The following CCDC88C variants were observed in gnomAD, a reference collection of about 807,000 sequenced individuals.
The protein encoded by CCDC88C is coiled-coil and HOOK domain protein 88C.
Under a neutral mutation model 198.8 loss-of-function variants are expected in CCDC88C, and 131 were observed. The ratio of observed to expected loss-of-function variants is 0.66; its 90% CI spans 0.57 to 0.76. The LOEUF (loss-of-function observed/expected upper bound fraction) is 0.76. Among genes scored for constraint, CCDC88C ranks in the 30% least tolerant of loss-of-function variants. The pLI, the probability that CCDC88C is intolerant of heterozygous loss-of-function variation, is 0.00. For synonymous variants in CCDC88C, 1,166 were observed against 1,114.7 expected, an observed-to-expected ratio of 1.05 and a Z score of -0.92; for missense variants, 2,553 against 2,631.6, an observed-to-expected ratio of 0.97 and a Z score of 0.65.
chr14:91,310,469 G>C (rs1335313108), intron 15 of CCDC88C, among the ~76,000 whole-genome samples: 1 of 152,162 alleles, frequency 6.6e-6, no homozygotes, highest in South Asian at 2.1e-4. Flanking sequence ...CTGAAGTGCA[G>C]TGGTGTGATC....
chr14:91,324,317 C>A (rs1370005619), intron 12 of CCDC88C, among the ~76,000 whole-genome samples: 14 of 152,206 alleles, frequency 9.2e-5, no homozygotes, highest in African/African-American at 3.4e-4. Context: ...CCACTCAGCA[C>A]CCTCCCCACC....
intron 3 of CCDC88C, among the ~76,000 whole-genome samples, chr14:91,394,676 C>A (rs1248414066): frequency 6.6e-6 from 1 of 152,218 alleles, no homozygotes; most frequent in Non-Finnish European, 1.5e-5. Context: ...TCAGTGCCTG[C>A]TTTTAAGGAA....
intron 10 of CCDC88C, among the ~76,000 whole-genome samples, chr14:91,326,876 T>C (rs1482775421): frequency 6.6e-6 from 1 of 152,228 alleles, no homozygotes; most frequent in African/African-American, 2.4e-5. Flanking sequence ...AATGGGGGTC[T>C]TTAAGACAGT....
At position 91,313,400 on chromosome 14, in the gene CCDC88C, G is replaced by C; in HGVS notation, c.2416C>G (p.Leu806Val). 6.2e-7 allele frequency: 1 copy of C among 1,608,322 alleles called. No homozygotes were observed. Among genetic ancestry groups the C allele is most frequent in the South Asian group, 1.1e-5 (1 of 91,054 alleles). Residue 806 changes from leucine to valine, a missense_variant, in exon 15 of 30, where the codon CTC becomes GTC. Leu to Val is a conservative substitution (Grantham distance 32). This residue lies in a region of CCDC88C where 1,260 missense variants were observed against 1,412.0 expected (regional missense o/e 0.89). Transcript: ENST00000389857. This position sits in a 1 kb window ranked among gnomAD's most constrained non-coding sequence, Gnocchi z 5.2. Reference sequence around the variant, plus strand: ...TCCAACTGTGCATTGGCCAGCCGGAGGGCCTCCAGGTCCCGCCGCAGCGCC... The same window carrying C: ...TCCAACTGTGCATTGGCCAGCCGGACGGCCTCCAGGTCCCGCCGCAGCGCC... ...RQALRRDLEA[L>V]RLANAQLEGA... is the part of the protein sequence containing the mutation.
chr14:91,365,351 G>A lies in CCDC88C; in HGVS notation c.271-5640C>T, dbSNP rs555311251. On this transcript the variant is annotated intron_variant, in intron 3 of 29. Coordinates refer to ENST00000389857, the MANE Select transcript of CCDC88C (RefSeq NM_001080414.4). ...TAGGCTGGGAAGGACCCAAGGAAAG[G>A]GGTCTGAGCGCCTCCCTTCTCCACC... 1.8e-3 allele frequency among the ~76,000 whole-genome samples: 269 copies of A among 152,314 alleles called. 1 individual carries two copies. Among genetic ancestry groups the A allele is most frequent in the Non-Finnish European group, 2.9e-3 (198 of 68,012 alleles).
At chr14:91,304,580 C>T (rs918662328) in intron 19 of CCDC88C, among the ~76,000 whole-genome samples, 1 of 152,112 alleles carries the variant, frequency 6.6e-6, no homozygotes, top group Admixed American at 6.5e-5. Context: ...CAGAGTGAAA[C>T]CCTGTCTCTT....
rs539516402 is a variant in CCDC88C, at chr14:91,338,257, G to A, written c.892-94C>T. The A allele has an allele frequency of 3.6e-5, 53 of 1,471,304 alleles. No homozygotes were observed. Among genetic ancestry groups the A allele is most frequent in the East Asian group, 3.2e-4 (14 of 43,210 alleles). The allele number at this position is 1,471,304 out of a possible 1,614,324, so 91.1% of individuals were successfully genotyped here. A position where few individuals can be genotyped will look rare whatever the true frequency, so the allele number is the denominator to read the frequency against. On this transcript the variant is annotated intron_variant, in intron 9 of 29. Transcript: ENST00000389857. This position sits in a 1 kb window ranked among gnomAD's most constrained non-coding sequence, Gnocchi z 4.8. ...CCCTTCTGCATGGTGTCTCCACGAC[G>A]GCCCAGGACAAGCCAGCTCCTGGTG...
intron 29 of CCDC88C, 88 bp downstream of exon 29, chr14:91,277,834 A>AC: frequency 7.1e-7 from 1 of 1,400,094 alleles, no homozygotes; most frequent in Non-Finnish European, 9.5e-7. Flanking sequence ...CGCCACCCCC[A>AC]CCCCATCCTT....
intron 2 of CCDC88C, among the ~76,000 whole-genome samples, chr14:91,409,124 A>G (rs2140014352): frequency 6.6e-6 from 1 of 152,304 alleles, no homozygotes; most frequent in South Asian, 2.1e-4. Context: ...GATTAAAAGA[A>G]TTAAAAGCTG....
Position 91,377,925 on chromosome 14 carries a change from G to A in CCDC88C, c.271-18214C>T, listed in dbSNP as rs931355612. Among the ~76,000 whole-genome samples the A allele has an allele frequency of 4.6e-5, 7 of 152,322 alleles. No individual in the cohort carries two copies. In the South Asian group the frequency reaches 1.2e-3, roughly 27 times the overall value. On this transcript the variant is annotated intron_variant, in intron 3 of 29. Transcript: ENST00000389857. ...CTAGGAAGGCTTCCCAGGAGCACACGACGCTGCTCCATACATGCCATGCAG... is the reference window on the plus strand; with the variant it reads ...CTAGGAAGGCTTCCCAGGAGCACACAACGCTGCTCCATACATGCCATGCAG...
intron 3 of CCDC88C, among the ~76,000 whole-genome samples, chr14:91,390,075 AAAAAAG>A (rs934662071): frequency 3.3e-5 from 5 of 152,220 alleles, no homozygotes; most frequent in Non-Finnish European, 7.4e-5. Context: ...CTGTTTCAAA[AAAAAAG>A]AAAAAGAAAA....
intron 3 of CCDC88C, among the ~76,000 whole-genome samples, chr14:91,376,846 C>T (rs1040466347): frequency 5.3e-5 from 8 of 152,220 alleles, no homozygotes; most frequent in African/African-American, 1.9e-4. Context: ...CACTGCCGAG[C>T]CCCTGAGGTT....
Position 91,324,153 on chromosome 14 carries a change from C to A in CCDC88C, c.1342+626G>T, listed in dbSNP as rs1380411165. Among the ~76,000 whole-genome samples the A allele has an allele frequency of 2.0e-5, 3 of 152,328 alleles. No homozygotes were observed. In the East Asian group the frequency reaches 5.8e-4, roughly 29 times the overall value. On this transcript the variant is annotated intron_variant, in intron 12 of 29. Coordinates refer to ENST00000389857, the MANE Select transcript of CCDC88C (RefSeq NM_001080414.4). ...TGTTTGCCGGGGCTGAGGCTTCCTG[C>A]GCAGGGGGCTGAGTGCGGCCCCGCC...
chr14:91,346,229 T>C (rs1893542866), intron 4 of CCDC88C, among the ~76,000 whole-genome samples: 1 of 152,164 alleles, frequency 6.6e-6, no homozygotes, highest in South Asian at 2.1e-4. Context: ...ATGACATCAT[T>C]GTCAAGCCTC....
Position 91,272,579 on chromosome 14 carries a change from A to C in CCDC88C, c.*46T>G. 6.5e-7 allele frequency: 1 copy of C among 1,548,396 alleles called. No individual in the cohort carries two copies. Among genetic ancestry groups the C allele is most frequent in the East Asian group, 2.3e-5 (1 of 43,864 alleles). On this transcript the variant is annotated 3_prime_UTR_variant, in exon 30 of 30. Coordinates refer to ENST00000389857, the MANE Select transcript of CCDC88C (RefSeq NM_001080414.4). The stretch of plus-strand genomic sequence containing the variant: ...AAGAGAAAAGGCCGTGAGAGTCGGA[A>C]GGCGCGTCAGTAGTTTTCAGGTTTG...
intron 18 of CCDC88C, among the ~76,000 whole-genome samples, chr14:91,306,135 T>C (rs1014306884): frequency 6.6e-6 from 1 of 152,212 alleles, no homozygotes; most frequent in African/African-American, 2.4e-5. Flanking sequence ...GGACACTGCC[T>C]GACACCTGCA....
At chr14:91,417,127 A>C (rs1406381186) in intron 1 of CCDC88C, 3 of 703,088 alleles carry the variant, frequency 4.3e-6, no homozygotes, top group Non-Finnish European at 5.2e-6. Flanking sequence ...TAAATGTCTC[A>C]CGTCTCAAAT....
chr14:91,370,172 G>A (rs1398938213), intron 3 of CCDC88C, among the ~76,000 whole-genome samples: 1 of 152,210 alleles, frequency 6.6e-6, no homozygotes, highest in Non-Finnish European at 1.5e-5. Flanking sequence ...CCTCAGGCAA[G>A]TCACAGTCCC....
intron 4 of CCDC88C, 73 bp downstream of exon 4, chr14:91,359,569 G>A (rs745612029): frequency 2.4e-5 from 30 of 1,236,600 alleles, no homozygotes; most frequent in African/African-American, 7.5e-5. Context: ...GCCGGAGCTC[G>A]ATGGCCAGCA....
Sources: allele counts gnomAD v4.1 joint callset (sites outside exome capture counted in the v4.1 genomes callset), GRCh38; gene constraint gnomAD v4.1.1; regional missense constraint gnomAD v4.1.1; non-coding constraint Gnocchi (gnomAD v3.1); transcripts MANE v1.5; gene names NCBI Gene and HGNC (gene_info 2026-07-23, HGNC 2026-07-21).